MAD1L1: variants seen among roughly 807,000 people sequenced by gnomAD.
MAD1L1 encodes mitotic arrest deficient 1 like 1, also known as mitotic spindle assembly checkpoint protein MAD1.
Under a neutral mutation model 96.9 loss-of-function variants are expected in MAD1L1, and 95 were observed. The observed-to-expected ratio is 0.98, with a 90% CI of 0.83 to 1.16. The LOEUF is 1.16. Among genes scored for constraint, MAD1L1 ranks in the 50% most tolerant of loss-of-function variants. MAD1L1 has a pLI of 0.00. For synonymous variants in MAD1L1, 473 were observed against 396.6 expected (o/e 1.19, Z -2.29); for missense variants, 1,007 against 954.4 (o/e 1.06, Z -0.73).
chr7:1,916,102 C>T (rs1434036625), intron 17 of MAD1L1, among the ~76,000 whole-genome samples: 3 of 152,188 alleles, frequency 2.0e-5, no homozygotes, highest in South Asian at 2.1e-4. Context: ...CCACACACTC[C>T]GCACCCACCA....
At chr7:2,116,571 G>GC (rs1220598691) in intron 11 of MAD1L1, among the ~76,000 whole-genome samples, 4 of 150,854 alleles carry the variant, frequency 2.7e-5, no homozygotes, top group Middle Eastern at 3.4e-3. Flanking sequence ...GAGGGTTGGG[G>GC]GGGGGGGGGG....
chr7:1,829,126 T>G (rs1395710018), intron 18 of MAD1L1, among the ~76,000 whole-genome samples: 1 of 152,230 alleles, frequency 6.6e-6, no homozygotes, highest in Non-Finnish European at 1.5e-5. Context: ...CGACGTCACA[T>G]GGCCTGACAC....
intron 10 of MAD1L1, among the ~76,000 whole-genome samples, chr7:2,158,296 G>C (rs1264172918): frequency 6.6e-6 from 1 of 152,202 alleles, no homozygotes; most frequent in Non-Finnish European, 1.5e-5. Context: ...CAGATGTTGG[G>C]GCTCTAGCTG....
At chr7:1,818,412 C>T (rs976943351) in intron 18 of MAD1L1, among the ~76,000 whole-genome samples, 2 of 144,918 alleles carry the variant, frequency 1.4e-5, no homozygotes, top group African/African-American at 4.9e-5. Flanking sequence ...AGAGACGAGT[C>T]TCACTCTGTC....
intron 10 of MAD1L1, among the ~76,000 whole-genome samples, chr7:2,167,478 G>A (rs1790491070): frequency 1.3e-5 from 2 of 152,114 alleles, no homozygotes; most frequent in Non-Finnish European, 2.9e-5. Context: ...GAACCCGGGA[G>A]GCGGAGCTTG....
At chr7:2,105,265 T>A (rs1216974533) in intron 11 of MAD1L1, among the ~76,000 whole-genome samples, 2 of 152,044 alleles carry the variant, frequency 1.3e-5, no homozygotes, top group Non-Finnish European at 2.9e-5. Flanking sequence ...CGAGCTGGCT[T>A]CAGGTGGTCA....
Position 1,989,504 on chromosome 7 carries a change from G to A in MAD1L1, c.1417-8963C>T, listed in dbSNP as rs535551261. On this transcript the variant is annotated intron_variant, in intron 14 of 18. Transcript: ENST00000265854. ...GCACGGGCTGGGAGCCCTCGGCGGC[G>A]GGAGCCGCCTCACCCTGGAAGACGG... is the stretch of plus-strand genomic sequence containing the variant. 8.5e-5 allele frequency among the ~76,000 whole-genome samples: 13 copies of A among 152,362 alleles called. No individual in the cohort carries two copies. The South Asian group carries it at 1.9e-3, about 22-fold the overall frequency.
chr7:1,936,587 G>A (rs1778616324), intron 17 of MAD1L1, 100 bp downstream of exon 17: 8 of 1,243,246 alleles, frequency 6.4e-6, no homozygotes, highest in Admixed American at 4.4e-5. Flanking sequence ...ACCCTCTGGG[G>A]ATGACAGGCA....
chr7:2,129,499 G>A (rs1411914906), intron 11 of MAD1L1, among the ~76,000 whole-genome samples: 3 of 152,178 alleles, frequency 2.0e-5, no homozygotes, highest in African/African-American at 2.4e-5. Flanking sequence ...TGCCAGTGAC[G>A]AGGACGCGAG....
chr7:2,170,190 T>C (rs1790645280), intron 10 of MAD1L1, among the ~76,000 whole-genome samples: 1 of 152,162 alleles, frequency 6.6e-6, no homozygotes. Context: ...CAGCTCGTCC[T>C]AGCCAGAGAG....
intron 16 of MAD1L1, among the ~76,000 whole-genome samples, chr7:1,953,739 A>G (rs7803415): frequency 0.86 from 130,864 of 152,076 alleles, 57,617 homozygotes; most frequent in Non-Finnish European, 0.96. Context: ...ACTTCCCTCA[A>G]CTTCACAACG....
intron 10 of MAD1L1, among the ~76,000 whole-genome samples, chr7:2,177,777 C>T (rs1052869809): frequency 1.3e-5 from 2 of 152,200 alleles, no homozygotes; most frequent in South Asian, 2.1e-4. Context: ...ACTCTGTAAA[C>T]GCCTGCCTGA....
At chr7:2,223,719 A>G (rs1108036) in intron 4 of MAD1L1, 107,497 of 152,216 alleles carry the variant, frequency 0.71, 38,754 homozygotes, top group African/African-American at 0.83. Context: ...CAGGACAAGA[A>G]CTGGGGTTGG....
intron 11 of MAD1L1, among the ~76,000 whole-genome samples, chr7:2,139,002 C>T (rs1255164048): frequency 6.6e-6 from 1 of 152,174 alleles, no homozygotes; most frequent in Admixed American, 6.5e-5. Flanking sequence ...AGTCAACATG[C>T]ATCGGAGAGG....
chr7:1,884,691 G>A (rs1785901782), intron 18 of MAD1L1, among the ~76,000 whole-genome samples: 1 of 152,204 alleles, frequency 6.6e-6, no homozygotes, highest in African/African-American at 2.4e-5. Flanking sequence ...AGTGGGCGGA[G>A]GAGAACCCCT....
At chr7:2,183,437 A>T (rs1791299484) in intron 10 of MAD1L1, among the ~76,000 whole-genome samples, 1 of 152,236 alleles carries the variant, frequency 6.6e-6, no homozygotes, top group African/African-American at 2.4e-5. Context: ...ACACTTCCCA[A>T]GGAACAGATA....
At chr7:2,228,615 A>G (rs1410946510) in intron 3 of MAD1L1, among the ~76,000 whole-genome samples, 1 of 150,862 alleles carries the variant, frequency 6.6e-6, no homozygotes, top group Non-Finnish European at 1.5e-5. Flanking sequence ...TACCTTCATA[A>G]TTTCACAAAA....
At chr7:1,999,172 G>A (rs73277158) in intron 14 of MAD1L1, among the ~76,000 whole-genome samples, 4,306 of 152,264 alleles carry the variant, frequency 0.028, 208 homozygotes, top group African/African-American at 0.098. Context: ...AAACAATACA[G>A]TTACAATGGG....
At chr7:1,978,741 AG>A (rs1780759187) in intron 15 of MAD1L1, among the ~76,000 whole-genome samples, 1 of 152,166 alleles carries the variant, frequency 6.6e-6, no homozygotes, top group Admixed American at 6.5e-5. Context: ...CAGAGCCTCT[AG>A]GTGAAGAATG....
Sources: gnomAD v4.1 joint callset for allele counts (sites outside exome capture counted in the v4.1 genomes callset) on GRCh38, gnomAD v4.1.1 for gene constraint, MANE v1.5 for transcripts, NCBI Gene and HGNC (gene_info 2026-07-23, HGNC 2026-07-21) for gene names.